The following NRG1 variants were observed in gnomAD, a reference collection of about 807,000 sequenced individuals.
The protein encoded by NRG1 is pro-neuregulin-1, membrane-bound isoform.
A neutral mutation model predicts 63.8 loss-of-function variants in NRG1; 18 were observed. That is an observed-to-expected ratio of 0.28 (90% CI 0.19 to 0.42). The LOEUF (loss-of-function observed/expected upper bound fraction) is 0.42. Among genes scored for constraint, NRG1 ranks in the 10% least tolerant of loss-of-function variants. The probability of loss-of-function intolerance (pLI) is 1.00; values close to 1 mark genes in which losing one functional copy is unlikely to be tolerated. For synonymous variants in NRG1, 302 were observed against 301.3 expected (o/e 1.00, Z -0.02); for missense variants, 762 against 814.7 (o/e 0.94, Z 0.79).
chr8:31,975,189 G>A (rs1327505953), intron 1 of NRG1, among the ~76,000 whole-genome samples: 5 of 152,164 alleles, frequency 3.3e-5, no homozygotes, highest in African/African-American at 1.2e-4. Context: ...TATGAGTCAT[G>A]TAATATCATC....
chr8:32,138,229 C>T (rs556899419), intron 1 of NRG1, among the ~76,000 whole-genome samples: 3 of 152,074 alleles, frequency 2.0e-5, no homozygotes, highest in African/African-American at 4.8e-5. Flanking sequence ...ACATCAGGGG[C>T]GATGTACCAG....
intron 1 of NRG1, among the ~76,000 whole-genome samples, chr8:31,964,632 C>T (rs1254868060): frequency 6.6e-6 from 1 of 152,132 alleles, no homozygotes; most frequent in Non-Finnish European, 1.5e-5. Context: ...ACCACTGAGC[C>T]TTGGTGACAG....
intron 5 of NRG1, among the ~76,000 whole-genome samples, chr8:32,648,944 G>A (rs1854323310): frequency 6.6e-6 from 1 of 152,094 alleles, no homozygotes; most frequent in Admixed American, 6.6e-5. Context: ...GACATTTACG[G>A]TGCTAGCCTC....
At chr8:32,589,278 G>A (rs1424026616) in intron 1 of NRG1, among the ~76,000 whole-genome samples, 1 of 152,204 alleles carries the variant, frequency 6.6e-6, no homozygotes, top group Admixed American at 6.5e-5. Flanking sequence ...CAAGGAGAGA[G>A]AAATATGACT....
At chr8:32,436,687 G>A (rs1210153979) in intron 1 of NRG1, among the ~76,000 whole-genome samples, 1 of 152,108 alleles carries the variant, frequency 6.6e-6, no homozygotes, top group Non-Finnish European at 1.5e-5. Flanking sequence ...CTGTCAAGAT[G>A]AAACTGTGTG....
chr8:32,114,943 A>G (rs528652348), intron 1 of NRG1, among the ~76,000 whole-genome samples: 2 of 152,332 alleles, frequency 1.3e-5, no homozygotes, highest in South Asian at 2.1e-4. Context: ...ACAGAAACTG[A>G]TAACACTTAC....
At chr8:31,858,766 C>T (rs969253223) in intron 1 of NRG1, among the ~76,000 whole-genome samples, 1 of 152,206 alleles carries the variant, frequency 6.6e-6, no homozygotes, top group Non-Finnish European at 1.5e-5. Context: ...CATTGTTCAA[C>T]AGAAGGGGCT....
chr8:32,401,278 T>A (rs532732877), intron 1 of NRG1, among the ~76,000 whole-genome samples: 54 of 152,228 alleles, frequency 3.5e-4, no homozygotes, highest in African/African-American at 1.3e-3. Context: ...CCAGCACATG[T>A]ACCCCTGAAC....
intron 1 of NRG1, among the ~76,000 whole-genome samples, chr8:32,499,965 G>A (rs1162595901): frequency 2.0e-5 from 3 of 152,192 alleles, no homozygotes; most frequent in Non-Finnish European, 4.4e-5. Flanking sequence ...GCAGGATTCA[G>A]TTTATAAAGG....
chr8:32,506,540 A>T (rs867808834), intron 1 of NRG1, among the ~76,000 whole-genome samples: 3 of 152,222 alleles, frequency 2.0e-5, no homozygotes, highest in Admixed American at 1.3e-4. Flanking sequence ...TGTCTCCAGG[A>T]GGAAAAGGAT....
At chr8:32,434,266 T>C (rs1005061004) in intron 1 of NRG1, among the ~76,000 whole-genome samples, 10 of 152,058 alleles carry the variant, frequency 6.6e-5, no homozygotes, top group Admixed American at 2.6e-4. Flanking sequence ...ATGAATTGGG[T>C]ACAGTACTGA....
At chr8:32,285,626 T>C (rs925221247) in intron 1 of NRG1, among the ~76,000 whole-genome samples, 6 of 152,174 alleles carry the variant, frequency 3.9e-5, no homozygotes, top group African/African-American at 1.4e-4. Flanking sequence ...ATTAATATGG[T>C]ATTTTTAGTC....
At chr8:32,304,282 G>A (rs1456463048) in intron 1 of NRG1, among the ~76,000 whole-genome samples, 4 of 152,174 alleles carry the variant, frequency 2.6e-5, no homozygotes, top group African/African-American at 4.8e-5. Flanking sequence ...ATCAAAATGC[G>A]ATTTTCGCAA....
At chr8:32,619,379 A>C (rs140453681) in intron 5 of NRG1, among the ~76,000 whole-genome samples, 1 of 152,170 alleles carries the variant, frequency 6.6e-6, no homozygotes, top group East Asian at 1.9e-4. Flanking sequence ...GGGATGAAAT[A>C]TAGAAGATGA....
chr8:31,840,094 G>T (rs532694250), intron 1 of NRG1, among the ~76,000 whole-genome samples: 1 of 152,282 alleles, frequency 6.6e-6, no homozygotes, highest in East Asian at 1.9e-4. Flanking sequence ...TGGGGAAAAG[G>T]ACAAATGACT....
chr8:32,648,739 T>C (rs1854272264), intron 5 of NRG1, among the ~76,000 whole-genome samples: 2 of 152,240 alleles, frequency 1.3e-5, no homozygotes, highest in South Asian at 2.1e-4. Context: ...TTTATAGAAA[T>C]GTGACTTTCA....
At chr8:32,326,313 T>C (rs1176545792) in intron 1 of NRG1, among the ~76,000 whole-genome samples, 1 of 148,030 alleles carries the variant, frequency 6.8e-6, no homozygotes. Flanking sequence ...CAGGCTTTTT[T>C]TTTTTTTTTT....
intron 1 of NRG1, among the ~76,000 whole-genome samples, chr8:32,058,773 G>T (rs1245437701): frequency 4.0e-5 from 6 of 151,742 alleles, no homozygotes; most frequent in Non-Finnish European, 8.8e-5. Context: ...AGTAAAACAC[G>T]TAAAGTCATT....
intron 1 of NRG1, among the ~76,000 whole-genome samples, chr8:32,005,239 G>T (rs951858878): frequency 1.3e-5 from 2 of 151,864 alleles, no homozygotes; most frequent in African/African-American, 4.8e-5. Context: ...TAAGGGGAAG[G>T]AAGTGGTGGG....
Sources: gnomAD v4.1 joint callset for allele counts (sites outside exome capture counted in the v4.1 genomes callset) on GRCh38, gnomAD v4.1.1 for gene constraint, MANE v1.5 for transcripts, NCBI Gene and HGNC (gene_info 2026-07-23, HGNC 2026-07-21) for gene names.